The following PTPRE variants were observed in gnomAD, a reference collection of about 807,000 sequenced individuals.
The protein encoded by PTPRE is receptor-type tyrosine-protein phosphatase epsilon.
Under a neutral mutation model 102.0 loss-of-function variants are expected in PTPRE, and 51 were observed. The observed-to-expected ratio is 0.50, with a 90% confidence interval of 0.40 to 0.63. The LOEUF (loss-of-function observed/expected upper bound fraction) is 0.63. PTPRE is among the 30% of genes least tolerant of loss of function. The pLI is 0.00. For missense variants in PTPRE, 752 were observed against 915.1 expected (o/e 0.82, Z 2.30); for synonymous variants, 345 against 348.2 (o/e 0.99, Z 0.10).
At chr10:128,002,838 C>T (rs939563971) in intron 2 of PTPRE, among the ~76,000 whole-genome samples, 6 of 151,342 alleles carry the variant, frequency 4.0e-5, no homozygotes, top group African/African-American at 1.2e-4. Context: ...GGACCACAGG[C>T]GTGCACCACC....
chr10:127,979,127 G>T (rs948477448), intron 1 of PTPRE, among the ~76,000 whole-genome samples: 2 of 152,182 alleles, frequency 1.3e-5, no homozygotes, highest in Non-Finnish European at 2.9e-5. Context: ...AGTGCCCAGG[G>T]CACTCCACAG....
Position 128,070,173 on chromosome 10 carries a change from C to A in PTPRE, c.1144-128C>A. The A allele has an allele frequency of 8.8e-7, 1 of 1,137,768 alleles. No homozygotes were observed. Among genetic ancestry groups the A allele is most frequent in the Non-Finnish European group, 1.2e-6 (1 of 808,464 alleles). 70.5% of individuals were successfully genotyped at this position (1,137,768 alleles called of 1,614,324 possible). A position where few individuals can be genotyped will look rare whatever the true frequency, so the allele number is the denominator to read the frequency against. The stretch of plus-strand genomic sequence containing the variant: ...TCCGTGGCCGGTACTCTGACTCTTG[C>A]CTCACACCTCCTTGTGTTGGCAAAA... On this transcript the variant is annotated intron_variant, in intron 13 of 20. Transcript: ENST00000254667. The surrounding 1 kb of genome is among the most constrained non-coding windows in gnomAD (Gnocchi z 4.8).
chr10:127,996,064 T>A (rs1357052212), intron 2 of PTPRE, among the ~76,000 whole-genome samples: 1 of 152,226 alleles, frequency 6.6e-6, no homozygotes. Context: ...TTGCCAGGAA[T>A]CAGTGTGATT....
intron 1 of PTPRE, among the ~76,000 whole-genome samples, chr10:127,940,501 T>A (rs1848166217): frequency 6.6e-6 from 1 of 152,142 alleles, no homozygotes; most frequent in African/African-American, 2.4e-5. Context: ...AGGGACTTCT[T>A]TTCTGTCCTG....
At chr10:128,023,538 G>A (rs1421329067) in intron 2 of PTPRE, among the ~76,000 whole-genome samples, 1 of 152,148 alleles carries the variant, frequency 6.6e-6, no homozygotes, top group African/African-American at 2.4e-5. Context: ...TATTATTGTT[G>A]TTGTTAATCT....
chr10:127,926,244 C>G (rs555964295), intron 1 of PTPRE, among the ~76,000 whole-genome samples: 1 of 152,230 alleles, frequency 6.6e-6, no homozygotes, highest in Non-Finnish European at 1.5e-5. Context: ...GAGTTTTTTT[C>G]CTTCATTTTA....
intron 1 of PTPRE, among the ~76,000 whole-genome samples, chr10:127,923,819 G>C (rs1333734962): frequency 6.6e-6 from 1 of 152,146 alleles, no homozygotes; most frequent in Non-Finnish European, 1.5e-5. Context: ...TCAGGATCTT[G>C]CATTCATTTC....
chr10:127,936,516 A>T (rs1329751501), intron 1 of PTPRE, among the ~76,000 whole-genome samples: 1 of 152,130 alleles, frequency 6.6e-6, no homozygotes, highest in African/African-American at 2.4e-5. Context: ...CAGGGCCTCA[A>T]CCTGCTTCTG....
In PTPRE at chr10:128,078,060, T is replaced by A. The variant is rs147989499; in HGVS notation, c.1892+277T>A. On this transcript the variant is annotated intron_variant, in intron 19 of 20. Transcript: ENST00000254667. Reference sequence around the variant, plus strand: ...GAAACCACTCAAACACACATTTCCATGTGCTTTTGAAGTCATCAAAAAATT... The same window carrying A: ...GAAACCACTCAAACACACATTTCCAAGTGCTTTTGAAGTCATCAAAAAATT... 2.5e-3 allele frequency among the ~76,000 whole-genome samples: 383 copies of A among 152,312 alleles called. 1 individual carries two copies. Among genetic ancestry groups the A allele is most frequent in the African/African-American group, 8.5e-3 (354 of 41,570 alleles).
chr10:127,999,738 C>T (rs1164182442), intron 2 of PTPRE: 1 of 985,142 alleles, frequency 1.0e-6, no homozygotes, highest in Non-Finnish European at 1.2e-6. Flanking sequence ...TAAATTTCTC[C>T]CTGCTGGATC....
At chr10:128,071,758 G>A (rs957003725) in intron 15 of PTPRE, 9 of 194,570 alleles carry the variant, frequency 4.6e-5, no homozygotes, top group South Asian at 2.5e-4. Flanking sequence ...AGAGCTCCCC[G>A]GGGTGCTGCC....
intron 1 of PTPRE, among the ~76,000 whole-genome samples, chr10:127,975,200 C>T (rs935097065): frequency 5.9e-5 from 9 of 152,106 alleles, no homozygotes; most frequent in Admixed American, 2.6e-4. Context: ...CCGTGAGACA[C>T]GGTTGTGTGA....
intron 2 of PTPRE, among the ~76,000 whole-genome samples, chr10:128,023,687 C>A (rs752652913): frequency 2.0e-5 from 3 of 152,208 alleles, no homozygotes; most frequent in Non-Finnish European, 2.9e-5. Context: ...CTACATAAAT[C>A]GATGGTGCTT....
Position 128,070,957 on chromosome 10 carries a change from C to A in PTPRE, c.1387+56C>A. The A allele has an allele frequency of 6.5e-7, 1 of 1,539,216 alleles. No individual in the cohort carries two copies. ...GCTGGGGCGGGGCTGGTGCCGGAGG[C>A]TTTCATCCTGGAGAAGCCATTGACC... On this transcript the variant is annotated intron_variant, in intron 15 of 20. Transcript: ENST00000254667. The surrounding 1 kb of genome is among the most constrained non-coding windows in gnomAD (Gnocchi z 4.8).
Position 128,010,571 on chromosome 10 carries a change from C to CTTTTCTT in PTPRE, c.-8+28278_-8+28284dup, listed in dbSNP as rs1554919803. On this transcript the variant is annotated intron_variant, in intron 2 of 20. Coordinates refer to ENST00000254667, the MANE Select transcript of PTPRE (RefSeq NM_006504.6). The stretch of plus-strand genomic sequence containing the variant: ...CTTTTCTTTTCTTTTCTTTTCTTTT[C>CTTTTCTT]TTTTCTTTTCTTTTCTTTTCTTTCC... Among the ~76,000 whole-genome samples, 728 of 146,696 alleles carry CTTTTCTT rather than the reference C, an allele frequency of 5.0e-3. 7 individuals are homozygous for CTTTTCTT. The highest frequency in any genetic ancestry group is 0.019 in the African/African-American group (700 of 37,328).
intron 1 of PTPRE, among the ~76,000 whole-genome samples, chr10:127,947,379 A>G (rs1199905408): frequency 3.3e-5 from 5 of 152,198 alleles, no homozygotes; most frequent in African/African-American, 4.8e-5. Context: ...GTCTTCTTCA[A>G]CTGTTAGGAA....
In PTPRE at chr10:127,979,640, G is replaced by A. The variant is rs574148565; in HGVS notation, c.-30-2634G>A. ...TGCAGTGAGCCATGATTGCACCGCT[G>A]CACAATAAGGCAAGAGTTCAGTGTA... On this transcript the variant is annotated intron_variant, in intron 1 of 20. Coordinates refer to ENST00000254667, the MANE Select transcript of PTPRE (RefSeq NM_006504.6). Among the ~76,000 whole-genome samples the A allele has an allele frequency of 4.6e-5, 7 of 152,304 alleles. No individual in the cohort carries two copies. The South Asian group carries it at 1.4e-3, about 32-fold the overall frequency.
chr10:127,990,557 A>G (rs947184303), intron 2 of PTPRE, among the ~76,000 whole-genome samples: 1 of 152,176 alleles, frequency 6.6e-6, no homozygotes, highest in African/African-American at 2.4e-5. Flanking sequence ...CAAGACCTAG[A>G]GTTCTATGCT....
intron 2 of PTPRE, among the ~76,000 whole-genome samples, chr10:128,018,031 G>T (rs994530731): frequency 2.6e-5 from 4 of 152,164 alleles, no homozygotes; most frequent in African/African-American, 9.7e-5. Flanking sequence ...GCACAAACTC[G>T]CTGGGCTTCT....
Sources: gnomAD v4.1 joint callset for allele counts (sites outside exome capture counted in the v4.1 genomes callset) on GRCh38, gnomAD v4.1.1 for gene constraint, Gnocchi (gnomAD v3.1) non-coding constraint, MANE v1.5 for transcripts, NCBI Gene and HGNC (gene_info 2026-07-23, HGNC 2026-07-21) for gene names.